Variants in PREP observed in about 807,000 individuals in gnomAD.
PREP encodes the protein dJ355L5.1 (prolyl endopeptidase).
In PREP, 29 loss-of-function variants were observed where a neutral mutation model predicts 87.6. That is an observed-to-expected ratio of 0.33 (90% CI 0.25 to 0.45). The LOEUF is 0.45. Ranked by LOEUF, PREP falls within the 20% of genes least tolerant of loss-of-function variation. The probability of loss-of-function intolerance (pLI) is 1.00; values close to 1 mark genes in which losing one functional copy is unlikely to be tolerated. For synonymous variants in PREP, 337 were observed against 328.6 expected (o/e 1.03, Z -0.28); for missense variants, 695 against 886.5 (o/e 0.78, Z 2.74).
chr6:105,287,477 A>T (rs111749388), intron 11 of PREP, among the ~76,000 whole-genome samples: 4 of 152,372 alleles, frequency 2.6e-5, no homozygotes, highest in African/African-American at 9.6e-5. Flanking sequence ...AAAAGGATAA[A>T]TGCAAACTCT....
At chr6:105,353,300 T>C (rs1026802037) in intron 6 of PREP, among the ~76,000 whole-genome samples, 3 of 152,220 alleles carry the variant, frequency 2.0e-5, no homozygotes, top group Non-Finnish European at 2.9e-5. Flanking sequence ...ATTATTTTAG[T>C]TGAAAATATC....
rs148443780 is a variant in PREP, at chr6:105,277,536, T to TAACA, written c.*604_*607dup. ...CCCCCTCTGACAGCTTCATCACCTC[T>TAACA]AACAAACAAACAAACAAGGGAGACA... is the stretch of plus-strand genomic sequence containing the variant. On this transcript the variant is annotated 3_prime_UTR_variant, in exon 15 of 15. Coordinates refer to ENST00000652536, the MANE Select transcript of PREP (RefSeq NM_002726.5). The TAACA allele has an allele frequency of 5.8e-3, 883 of 152,686 alleles. 13 individuals carry two copies. The East Asian group carries it at 0.07, about 12-fold the overall frequency. 9.5% of individuals were successfully genotyped at this position (152,686 alleles called of 1,614,324 possible). A position where few individuals can be genotyped will look rare whatever the true frequency, so the allele number is the denominator to read the frequency against.
intron 5 of PREP, among the ~76,000 whole-genome samples, chr6:105,372,962 G>C (rs561442769): frequency 6.6e-6 from 1 of 152,172 alleles, no homozygotes; most frequent in Admixed American, 6.5e-5. Context: ...CATTAAGAAG[G>C]CTGTGTCATT....
At chr6:105,343,440 G>A (rs867472111) in intron 7 of PREP, among the ~76,000 whole-genome samples, 1 of 152,104 alleles carries the variant, frequency 6.6e-6, no homozygotes, top group African/African-American at 2.4e-5. Context: ...GAAAACCTAG[G>A]CAATACCATT....
chr6:105,393,490 G>A (rs1773212010), intron 2 of PREP, among the ~76,000 whole-genome samples: 1 of 152,048 alleles, frequency 6.6e-6, no homozygotes, highest in Non-Finnish European at 1.5e-5. Context: ...GACTGTACAA[G>A]GCAACACACA....
intron 4 of PREP, among the ~76,000 whole-genome samples, chr6:105,374,659 TA>T: frequency 1.7e-5 from 1 of 60,212 alleles, no homozygotes; most frequent in Admixed American, 1.3e-4. Flanking sequence ...TATATATATA[TA>T]TATATATATA....
At chr6:105,335,656 A>C (rs1771459033) in intron 7 of PREP, among the ~76,000 whole-genome samples, 1 of 152,030 alleles carries the variant, frequency 6.6e-6, no homozygotes, top group Non-Finnish European at 1.5e-5. Context: ...TTTTGGGAGG[A>C]CAAAGCCGGA....
At chr6:105,384,209 C>T (rs1457103435) in intron 2 of PREP, among the ~76,000 whole-genome samples, 2 of 152,134 alleles carry the variant, frequency 1.3e-5, no homozygotes, top group Admixed American at 1.3e-4. Context: ...GAGGCTGCGG[C>T]TCATCTCAGG....
intron 2 of PREP, among the ~76,000 whole-genome samples, chr6:105,382,843 G>T (rs930651195): frequency 6.6e-6 from 1 of 152,140 alleles, no homozygotes; most frequent in African/African-American, 2.4e-5. Flanking sequence ...AACTAAGAGT[G>T]GTGCTATCTA....
At chr6:105,353,771 C>CAA (rs397824826) in intron 6 of PREP, among the ~76,000 whole-genome samples, 3,190 of 70,850 alleles carry the variant, frequency 0.045, 204 homozygotes, top group East Asian at 0.12. Flanking sequence ...GACTCCATCT[C>CAA]AAAAAAAAAA....
intron 7 of PREP, among the ~76,000 whole-genome samples, chr6:105,342,193 A>C (rs930074349): frequency 3.3e-5 from 5 of 152,212 alleles, no homozygotes; most frequent in African/African-American, 1.2e-4. Context: ...ACCATGAGCA[A>C]GTGGGCTTCA....
intron 10 of PREP, chr6:105,322,187 T>C (rs1771029762): frequency 1.8e-6 from 1 of 568,396 alleles, no homozygotes; most frequent in South Asian, 8.0e-5. Flanking sequence ...AGACAGGGGC[T>C]ACAGGCCCCT....
At chr6:105,385,246 C>A (rs1772958409) in intron 2 of PREP, among the ~76,000 whole-genome samples, 1 of 143,078 alleles carries the variant, frequency 7.0e-6, no homozygotes, top group Non-Finnish European at 1.5e-5. Context: ...GAACTAGAAG[C>A]TTTTAAGCAT....
In PREP at chr6:105,386,169, A is replaced by G. The variant is rs182377036; in HGVS notation, c.121-8650T>C. 3.2e-4 allele frequency among the ~76,000 whole-genome samples: 49 copies of G among 152,296 alleles called. 1 individual carries two copies. Among genetic ancestry groups the G allele is most frequent in the Admixed American group, 5.2e-4 (8 of 15,282 alleles). On this transcript the variant is annotated intron_variant, in intron 2 of 14. Transcript: ENST00000652536. ...TGACCAATGTCTAATAAAATTGTGG[A>G]GCTAAGATTCAATCCTGCCTTTCTA...
rs910343283 is a variant in PREP, at chr6:105,337,178, A to C, written c.824-3673T>G. Among the ~76,000 whole-genome samples the C allele has an allele frequency of 2.0e-4, 31 of 152,092 alleles. 2 individuals are homozygous for C. Among genetic ancestry groups the C allele is most frequent in the Non-Finnish European group, 4.4e-5 (3 of 67,998 alleles). Reference sequence around the variant, plus strand: ...AGCAGCCAGTGTTTCTGCTGGCTCTAATTTCTCATGCTGGTGAATTTCTTC... The same window carrying C: ...AGCAGCCAGTGTTTCTGCTGGCTCTCATTTCTCATGCTGGTGAATTTCTTC... On this transcript the variant is annotated intron_variant, in intron 7 of 14. Coordinates refer to ENST00000652536, the MANE Select transcript of PREP (RefSeq NM_002726.5).
At chr6:105,280,158 C>T (rs1383870760) in intron 14 of PREP, among the ~76,000 whole-genome samples, 5 of 152,098 alleles carry the variant, frequency 3.3e-5, no homozygotes, top group South Asian at 4.1e-4. Flanking sequence ...TGGCCGTGTG[C>T]GGTGGTGCGC....
At chr6:105,301,661 C>G (rs1420932505) in intron 10 of PREP, among the ~76,000 whole-genome samples, 2 of 152,158 alleles carry the variant, frequency 1.3e-5, no homozygotes, top group African/African-American at 4.8e-5. Flanking sequence ...GTTAGTTTTT[C>G]CAAGGATGGC....
intron 7 of PREP, among the ~76,000 whole-genome samples, chr6:105,350,587 CTTGT>C (rs1562211216): frequency 6.6e-6 from 1 of 152,188 alleles, no homozygotes; most frequent in African/African-American, 2.4e-5. Context: ...ACACAAAATA[CTTGT>C]TTCTCTAAAT....
chr6:105,301,415 G>A (rs1006149434), intron 10 of PREP, among the ~76,000 whole-genome samples: 2 of 152,154 alleles, frequency 1.3e-5, no homozygotes, highest in East Asian at 1.9e-4. Flanking sequence ...GACAGTAGGC[G>A]GGCAAACTCC....
Sources: gnomAD v4.1 joint callset for allele counts (sites outside exome capture counted in the v4.1 genomes callset) on GRCh38, gnomAD v4.1.1 for gene constraint, MANE v1.5 for transcripts, NCBI Gene and HGNC (gene_info 2026-07-23, HGNC 2026-07-21) for gene names.